The following RGS6 variants were observed in gnomAD, a reference collection of about 807,000 sequenced individuals.
The protein encoded by RGS6 is regulator of G protein signaling 6.
RGS6 carries 30 observed loss-of-function variants against 78.5 expected under a neutral mutation model. The ratio of observed to expected loss-of-function variants is 0.38; its 90% CI spans 0.29 to 0.52. The LOEUF (loss-of-function observed/expected upper bound fraction) is 0.52, where lower values mean the gene tolerates loss of function less well. RGS6 is among the 20% of genes least tolerant of loss of function. The pLI, the probability that RGS6 is intolerant of heterozygous loss-of-function variation, is 0.85. For missense variants in RGS6, 495 were observed against 609.7 expected (o/e 0.81, Z 1.98); for synonymous variants, 206 against 206.0 (o/e 1.00, Z 0.00).
the RGS6 span, among the ~76,000 whole-genome samples, chr14:72,627,057 A>C: frequency 6.6e-6 from 1 of 151,642 alleles, no homozygotes; most frequent in African/African-American, 2.4e-5. Context: ...TTATATAGGG[A>C]ATTAGCCCTT....
intron 2 of RGS6, among the ~76,000 whole-genome samples, chr14:72,059,992 T>A (rs1015763588): frequency 6.6e-6 from 1 of 152,130 alleles, no homozygotes; most frequent in Non-Finnish European, 1.5e-5. Flanking sequence ...GTTCAATGAT[T>A]TACTTCCTTG....
chr14:72,149,874 G>A (rs1043643348), intron 2 of RGS6, among the ~76,000 whole-genome samples: 2 of 152,202 alleles, frequency 1.3e-5, no homozygotes, highest in African/African-American at 2.4e-5. Flanking sequence ...AATCATGCCT[G>A]TATGGTTCCC....
Position 72,564,314 on chromosome 14 carries a change from A to G in RGS6, c.*1847A>G, listed in dbSNP as rs999768408. The G allele has an allele frequency of 1.3e-5, 2 of 152,242 alleles. No homozygotes were observed. The highest frequency in any genetic ancestry group is 2.9e-5 in the Non-Finnish European group (2 of 68,050). The allele number at this position is 152,242 out of a possible 1,614,324, so 9.4% of individuals were successfully genotyped here. A position where few individuals can be genotyped will look rare whatever the true frequency, so the allele number is the denominator to read the frequency against. ...AGTCCTCAGTGTCTCAGAGGCAGCA[A>G]TTCTTGCTGGACACCTGCACATGCT... On this transcript the variant is annotated 3_prime_UTR_variant, in exon 18 of 18. Coordinates refer to ENST00000553525, the MANE Select transcript of RGS6 (RefSeq NM_001204424.2).
intron 13 of RGS6, among the ~76,000 whole-genome samples, chr14:72,498,755 G>A (rs182464562): frequency 5.3e-5 from 8 of 152,234 alleles, no homozygotes; most frequent in South Asian, 2.1e-4. Flanking sequence ...GGCTCTGGGC[G>A]TCTGCATCTT....
intron 2 of RGS6, among the ~76,000 whole-genome samples, chr14:72,003,960 T>TG (rs1264200344): frequency 2.0e-5 from 3 of 152,156 alleles, no homozygotes; most frequent in East Asian, 1.9e-4. Flanking sequence ...AGCCAGCAGC[T>TG]GAGGGGTGAA....
chr14:72,582,334 A>G, the RGS6 span, among the ~76,000 whole-genome samples: 1 of 152,200 alleles, frequency 6.6e-6, no homozygotes, highest in South Asian at 2.1e-4. Context: ...GGGCTCCTAC[A>G]GGGCAAGGAT....
chr14:72,018,786 C>T (rs1212217618), intron 2 of RGS6, among the ~76,000 whole-genome samples: 4 of 152,202 alleles, frequency 2.6e-5, no homozygotes, highest in Admixed American at 6.5e-5. Flanking sequence ...CCTTCTCCCT[C>T]ACCATGATCC....
chr14:72,367,808 T>C (rs1319285763), intron 3 of RGS6, among the ~76,000 whole-genome samples: 1 of 152,236 alleles, frequency 6.6e-6, no homozygotes, highest in Non-Finnish European at 1.5e-5. Context: ...TTGGTCACTG[T>C]GTGACCTTGA....
chr14:72,404,807 A>G (rs1379538362), intron 3 of RGS6, among the ~76,000 whole-genome samples: 1 of 152,162 alleles, frequency 6.6e-6, no homozygotes, highest in African/African-American at 2.4e-5. Flanking sequence ...GTCCTCCTGC[A>G]TCCCGAGATA....
At chr14:72,129,777 T>A (rs1239903072) in intron 2 of RGS6, among the ~76,000 whole-genome samples, 3 of 152,178 alleles carry the variant, frequency 2.0e-5, no homozygotes, top group Non-Finnish European at 4.4e-5. Context: ...GACCTGGAAC[T>A]GTCACTGTGT....
chr14:72,104,926 T>A (rs1391317951), intron 2 of RGS6, among the ~76,000 whole-genome samples: 2 of 152,240 alleles, frequency 1.3e-5, no homozygotes, highest in African/African-American at 2.4e-5. Context: ...AGGATCTGAC[T>A]ATGGTTCCAT....
chr14:72,222,820 A>G (rs963285532), intron 2 of RGS6, among the ~76,000 whole-genome samples: 2 of 152,372 alleles, frequency 1.3e-5, no homozygotes, highest in East Asian at 3.9e-4. Flanking sequence ...AATTTTCTTT[A>G]CTATGGATGC....
Position 72,540,050 on chromosome 14 carries a change from G to A in RGS6, c.1378G>A (p.Glu460Lys). 1 of 1,579,358 alleles carries A rather than the reference G, an allele frequency of 6.3e-7. No homozygotes were observed. The highest frequency in any genetic ancestry group is 8.5e-7 in the Non-Finnish European group (1 of 1,173,260). The change falls in exon 17 of 18, where the codon GAG becomes AAG. Residue 460 changes from glutamate to lysine, a missense_variant. Glu to Lys is a moderately conservative substitution (Grantham distance 56). Coordinates refer to ENST00000553525, the MANE Select transcript of RGS6 (RefSeq NM_001204424.2). ...TTTTTTTTTCCTAAAGCCAGAAAGTGAGCAAGGTCGTAGAACTTCCCTAGA... is the reference window on the plus strand; with the variant it reads ...TTTTTTTTTCCTAAAGCCAGAAAGTAAGCAAGGTCGTAGAACTTCCCTAGA... Reference protein sequence around the residue: ...LLLAKKKPESEQGRRTSLEKF... With the variant: ...LLLAKKKPESKQGRRTSLEKF...
intron 15 of RGS6, among the ~76,000 whole-genome samples, chr14:72,528,240 G>T (rs1345051303): frequency 6.6e-6 from 1 of 152,244 alleles, no homozygotes; most frequent in Non-Finnish European, 1.5e-5. Flanking sequence ...TTTTGAGACA[G>T]TTTGTACTGC....
chr14:72,037,814 A>G (rs1479906590), intron 2 of RGS6, among the ~76,000 whole-genome samples: 1 of 148,742 alleles, frequency 6.7e-6, no homozygotes, highest in Non-Finnish European at 1.5e-5. Context: ...ACATCAATTT[A>G]CACACTTTAA....
chr14:72,571,827 A>C, the RGS6 span, among the ~76,000 whole-genome samples: 1 of 152,256 alleles, frequency 6.6e-6, no homozygotes, highest in Non-Finnish European at 1.5e-5. Flanking sequence ...ACTTTAACAA[A>C]ATTTTTAAAC....
intron 2 of RGS6, among the ~76,000 whole-genome samples, chr14:72,195,949 A>G (rs1209278317): frequency 6.6e-6 from 1 of 152,232 alleles, no homozygotes; most frequent in Admixed American, 6.5e-5. Context: ...ATGGGGATTT[A>G]GATAAAGTTT....
At chr14:71,927,557 C>T (rs922703052), upstream of RGS6, among the ~76,000 whole-genome samples, 6 of 152,210 alleles carry the variant, frequency 3.9e-5, no homozygotes, top group Admixed American at 6.5e-5. Context: ...AAGGGCCCCA[C>T]AGGCTGTGAT....
chr14:72,511,500 G>GA (rs2096877595), intron 14 of RGS6: 2 of 152,174 alleles, frequency 1.3e-5, no homozygotes, highest in Admixed American at 6.5e-5. Context: ...GGTCCTTGAG[G>GA]AAAAAACACA....
Sources: allele counts gnomAD v4.1 joint callset (sites outside exome capture counted in the v4.1 genomes callset), GRCh38; gene constraint gnomAD v4.1.1; transcripts MANE v1.5; gene names NCBI Gene and HGNC (gene_info 2026-07-23, HGNC 2026-07-21).